CACNA2D1: variants seen among roughly 807,000 people sequenced by gnomAD.
The protein encoded by CACNA2D1 is calcium voltage-gated channel auxiliary subunit alpha2delta 1.
A neutral mutation model predicts 171.5 loss-of-function variants in CACNA2D1; 53 were observed. The observed-to-expected ratio is 0.31, with a 90% CI of 0.25 to 0.39. The LOEUF (loss-of-function observed/expected upper bound fraction) is 0.39, where lower values mean the gene tolerates loss of function less well. Among genes scored for constraint, CACNA2D1 ranks in the 10% least tolerant of loss-of-function variants. CACNA2D1 has a pLI of 1.00. For missense variants in CACNA2D1, 903 were observed against 1,299.8 expected (o/e 0.69, Z 4.69); for synonymous variants, 442 against 443.1 (o/e 1.00, Z 0.03).
chr7:82,222,888 TTC>T (rs1188671006), intron 3 of CACNA2D1, among the ~76,000 whole-genome samples: 2 of 150,630 alleles, frequency 1.3e-5, no homozygotes, highest in Non-Finnish European at 3.0e-5. Flanking sequence ...GCTTTATTTT[TTC>T]TTTCTTTCTT....
intron 2 of CACNA2D1, among the ~76,000 whole-genome samples, chr7:82,343,972 A>G (rs923771219): frequency 1.8e-4 from 28 of 152,210 alleles, no homozygotes; most frequent in African/African-American, 6.5e-4. Context: ...AGCAAAACTG[A>G]TATGTACCAA....
At chr7:82,044,456 C>G (rs918360) in intron 10 of CACNA2D1, among the ~76,000 whole-genome samples, 149,444 of 152,314 alleles carry the variant, frequency 0.98, 73,358 homozygotes, top group Non-Finnish European at 1. Flanking sequence ...GCCATGTAAT[C>G]ATCAGCAAAA....
intron 4 of CACNA2D1, among the ~76,000 whole-genome samples, chr7:82,137,050 G>T (rs1791703241): frequency 1.3e-5 from 2 of 152,156 alleles, no homozygotes; most frequent in South Asian, 4.1e-4. Flanking sequence ...CTTTGTTGAA[G>T]CCATGATTTT....
At chr7:82,258,525 C>T (rs1044143402) in intron 3 of CACNA2D1, among the ~76,000 whole-genome samples, 7 of 152,174 alleles carry the variant, frequency 4.6e-5, no homozygotes, top group African/African-American at 1.2e-4. Context: ...AGAACTAAAG[C>T]TCCCAGTTCA....
At chr7:82,123,797 T>C (rs953109639) in intron 5 of CACNA2D1, among the ~76,000 whole-genome samples, 13 of 152,170 alleles carry the variant, frequency 8.5e-5, no homozygotes, top group Non-Finnish European at 1.5e-5. Context: ...GAATTGTAAA[T>C]GATACATAAA....
At chr7:82,010,315 A>G (rs890503381) in intron 15 of CACNA2D1, among the ~76,000 whole-genome samples, 1 of 151,922 alleles carries the variant, frequency 6.6e-6, no homozygotes, top group Non-Finnish European at 1.5e-5. Context: ...TCACTTTATC[A>G]TCTTCAAAAC....
At chr7:82,383,569 C>T (rs1410617486) in intron 1 of CACNA2D1, among the ~76,000 whole-genome samples, 2 of 152,144 alleles carry the variant, frequency 1.3e-5, no homozygotes, top group African/African-American at 4.8e-5. Context: ...GGTCTTCATA[C>T]ATACAAAATG....
chr7:81,970,569 T>C (rs1194365837), intron 27 of CACNA2D1, 106 bp downstream of exon 27: 9 of 757,754 alleles, frequency 1.2e-5, no homozygotes, highest in South Asian at 1.1e-4. Flanking sequence ...TGTAATCTAA[T>C]GGCAATCAGT....
chr7:82,154,861 A>G (rs2129118862), intron 4 of CACNA2D1, among the ~76,000 whole-genome samples: 1 of 152,242 alleles, frequency 6.6e-6, no homozygotes, highest in East Asian at 1.9e-4. Context: ...ACTATCTGAT[A>G]TGGTTTGGAT....
chr7:81,965,547 G>A (rs775960466), intron 32 of CACNA2D1, 47 bp downstream of exon 32: 10 of 975,762 alleles, frequency 1.0e-5, no homozygotes, highest in Non-Finnish European at 1.7e-5. Flanking sequence ...GTTGATCCGG[G>A]AAACACACTT....
At chr7:82,243,423 C>T (rs990181572) in intron 3 of CACNA2D1, among the ~76,000 whole-genome samples, 1 of 152,126 alleles carries the variant, frequency 6.6e-6, no homozygotes, top group Non-Finnish European at 1.5e-5. Context: ...ATGATTGACT[C>T]TTATATTTTT....
chr7:82,130,937 C>G (rs1301071406), intron 5 of CACNA2D1, among the ~76,000 whole-genome samples: 1 of 151,618 alleles, frequency 6.6e-6, no homozygotes, highest in South Asian at 2.1e-4. Flanking sequence ...GCTGAGACTA[C>G]AGGCGCCCGC....
chr7:81,974,625 C>A, intron 24 of CACNA2D1, 73 bp from the exon 25 acceptor site: 1 of 735,878 alleles, frequency 1.4e-6, no homozygotes, highest in Admixed American at 2.7e-5. Context: ...GTAGTGAAAA[C>A]ACTATTTTTT....
intron 3 of CACNA2D1, among the ~76,000 whole-genome samples, chr7:82,314,120 G>C (rs182045535): frequency 2.0e-5 from 3 of 151,958 alleles, no homozygotes; most frequent in Non-Finnish European, 2.9e-5. Flanking sequence ...ATAATGTTTG[G>C]GTTTCTTTTA....
rs751653277 is a variant in CACNA2D1, at chr7:82,443,351, G to A, written c.95+14C>T. On this transcript the variant is annotated intron_variant, in intron 1 of 38. Coordinates refer to ENST00000356860, the MANE Select transcript of CACNA2D1 (RefSeq NM_000722.4). ...CCCCTCGGCCGGCGCTCCCTGCCCG[G>A]CCCGCCGACTTACGTGACGGCCGAA... 1 of 1,598,232 alleles carries A rather than the reference G, an allele frequency of 6.3e-7. No individual in the cohort carries two copies. The highest frequency in any genetic ancestry group is 8.5e-7 in the Non-Finnish European group (1 of 1,172,866).
chr7:82,129,459 G>A (rs1481542567), intron 5 of CACNA2D1, among the ~76,000 whole-genome samples: 1 of 152,058 alleles, frequency 6.6e-6, no homozygotes, highest in Non-Finnish European at 1.5e-5. Flanking sequence ...TTACTTTTCT[G>A]GCATTTGAAG....
chr7:82,358,377 A>G (rs1437698878), intron 1 of CACNA2D1, among the ~76,000 whole-genome samples: 1 of 152,212 alleles, frequency 6.6e-6, no homozygotes, highest in Non-Finnish European at 1.5e-5. Context: ...TGTTATCTAC[A>G]TTAAATCGTA....
chr7:82,016,399 A>C lies in CACNA2D1; in HGVS notation c.1144-1920T>G, dbSNP rs138312754. On this transcript the variant is annotated intron_variant, in intron 12 of 38. Coordinates refer to ENST00000356860, the MANE Select transcript of CACNA2D1 (RefSeq NM_000722.4). Reference sequence around the variant, plus strand: ...TCAACGGAAGCATGGCTTTGCCTAGAAGTTCCTGTTACCACAACAATCATC... The same window carrying C: ...TCAACGGAAGCATGGCTTTGCCTAGCAGTTCCTGTTACCACAACAATCATC... 7.2e-3 allele frequency among the ~76,000 whole-genome samples: 1,103 copies of C among 152,226 alleles called. 17 individuals are homozygous for C. The highest frequency in any genetic ancestry group is 0.025 in the African/African-American group (1,029 of 41,536).
chr7:82,159,907 T>C (rs1395474536), intron 4 of CACNA2D1, among the ~76,000 whole-genome samples: 1 of 117,006 alleles, frequency 8.5e-6, no homozygotes, highest in Non-Finnish European at 1.7e-5. Flanking sequence ...GTGATGTTCC[T>C]GATGAAGAGA....
Sources: gnomAD v4.1 joint callset for allele counts (sites outside exome capture counted in the v4.1 genomes callset) on GRCh38, gnomAD v4.1.1 for gene constraint, MANE v1.5 for transcripts, NCBI Gene and HGNC (gene_info 2026-07-23, HGNC 2026-07-21) for gene names.